The following DOCK9 variants were observed in gnomAD, a reference collection of about 807,000 sequenced individuals.
DOCK9 encodes dedicator of cytokinesis protein 9.
DOCK9 carries 89 observed loss-of-function variants against 263.3 expected under a neutral mutation model. That is an observed-to-expected ratio of 0.34 (90% CI 0.28 to 0.40). The LOEUF (loss-of-function observed/expected upper bound fraction) is 0.40, where lower values mean the gene tolerates loss of function less well. Among genes scored for constraint, DOCK9 ranks in the 10% least tolerant of loss-of-function variants. DOCK9 has a pLI of 1.00. For synonymous variants in DOCK9, 976 were observed against 973.1 expected, an observed-to-expected ratio of 1.00 and a Z score of -0.06; for missense variants, 2,140 against 2,603.4, an observed-to-expected ratio of 0.82 and a Z score of 3.87.
chr13:98,902,218 A>G, intron 12 of DOCK9, 70 bp downstream of exon 12: 1 of 1,536,312 alleles, frequency 6.5e-7, no homozygotes. Context: ...TAATTTGAGC[A>G]TTTTTGGTGC....
intron 1 of DOCK9, among the ~76,000 whole-genome samples, chr13:98,971,804 A>G (rs1454176462): frequency 6.6e-6 from 1 of 152,202 alleles, no homozygotes; most frequent in African/African-American, 2.4e-5. Flanking sequence ...AAGATGATAA[A>G]ATGTAACACC....
intron 47 of DOCK9, 138 bp downstream of exon 47, chr13:98,809,214 T>C (rs2091039755): frequency 1.6e-6 from 2 of 1,245,518 alleles, no homozygotes; most frequent in Non-Finnish European, 2.3e-6. Context: ...ATACTAAATA[T>C]GACAAATTCA....
chr13:98,887,139 ATATATTTTTTTTTTTTT>A (rs2045846711), intron 18 of DOCK9, among the ~76,000 whole-genome samples: 1 of 48,766 alleles, frequency 2.1e-5, no homozygotes, highest in East Asian at 8.7e-4. Flanking sequence ...ATATATATAT[ATATATTTTTTTTTTTTT>A]TTTTTTTTTT....
At chr13:99,020,101 C>CA (rs1885901654) in intron 1 of DOCK9, among the ~76,000 whole-genome samples, 1 of 151,910 alleles carries the variant, frequency 6.6e-6, no homozygotes, top group Non-Finnish European at 1.5e-5. Flanking sequence ...GACTCCGTCT[C>CA]AAAAAATAAA....
At chr13:98,928,443 T>A (rs920562521) in intron 3 of DOCK9, among the ~76,000 whole-genome samples, 2 of 152,248 alleles carry the variant, frequency 1.3e-5, no homozygotes, top group African/African-American at 4.8e-5. Context: ...TGTTTAGTTA[T>A]GTTGGCTCCA....
intron 1 of DOCK9, among the ~76,000 whole-genome samples, chr13:99,073,307 TTCTC>T (rs145465576): frequency 0.017 from 2,534 of 149,888 alleles, 71 homozygotes; most frequent in African/African-American, 0.058. Context: ...TTCTCATTCA[TTCTC>T]TCTCTCTCTC....
intron 1 of DOCK9, among the ~76,000 whole-genome samples, chr13:99,035,204 C>G (rs1036059620): frequency 6.6e-6 from 1 of 152,118 alleles, no homozygotes; most frequent in Non-Finnish European, 1.5e-5. Context: ...AACTCTCAAT[C>G]TCTCAAATTT....
At chr13:98,918,357 A>C (rs1270180165) in intron 7 of DOCK9, among the ~76,000 whole-genome samples, 2 of 152,212 alleles carry the variant, frequency 1.3e-5, no homozygotes, top group Non-Finnish European at 2.9e-5. Context: ...ATAAAACAGC[A>C]CAAAGATAAG....
At chr13:98,927,752 C>G (rs148201726) in intron 3 of DOCK9, among the ~76,000 whole-genome samples, 3 of 152,058 alleles carry the variant, frequency 2.0e-5, no homozygotes, top group Middle Eastern at 3.4e-3. Flanking sequence ...TCCCGAGTAG[C>G]TGGGATTACA....
At chr13:98,875,558 T>C (rs1379134101) in intron 27 of DOCK9, among the ~76,000 whole-genome samples, 4 of 152,172 alleles carry the variant, frequency 2.6e-5, no homozygotes, top group Non-Finnish European at 5.9e-5. Context: ...CTTCACTCCA[T>C]GTGGGAGGAA....
rs1342972080 is a variant in DOCK9, at chr13:98,845,821, A to C, written c.4198+103T>G. 4.8e-6 allele frequency: 7 copies of C among 1,467,570 alleles called. No homozygotes were observed. The East Asian group carries it at 1.2e-4, about 25-fold the overall frequency. 90.9% of individuals were successfully genotyped at this position (1,467,570 alleles called of 1,614,324 possible). A position where few individuals can be genotyped will look rare whatever the true frequency, so the allele number is the denominator to read the frequency against. ...TTCATCCTACTTGCTTTGAGCTAGAAGAAAAATTGAGTTGGTGATGTGGTA... is the reference window on the plus strand; with the variant it reads ...TTCATCCTACTTGCTTTGAGCTAGACGAAAAATTGAGTTGGTGATGTGGTA... On this transcript the variant is annotated intron_variant, in intron 38 of 52. Transcript: ENST00000682017.
In DOCK9 at chr13:99,046,573, G is replaced by A. The variant is rs1332798007; in HGVS notation, c.129+39650C>T. On this transcript the variant is annotated intron_variant, in intron 1 of 32. Transcript: ENST00000427887. ...CTCATAGAACATGCCTGGTTATGAG[G>A]GGGCACACCTGACAGGAAAGTCCAG... Among the ~76,000 whole-genome samples the A allele has an allele frequency of 3.3e-5, 5 of 152,310 alleles. No homozygotes were observed. In the East Asian group the frequency reaches 9.6e-4, roughly 29 times the overall value.
intron 1 of DOCK9, among the ~76,000 whole-genome samples, chr13:98,966,358 G>A (rs1188929318): frequency 6.6e-6 from 1 of 152,220 alleles, no homozygotes; most frequent in South Asian, 2.1e-4. Context: ...AGTGGGCCCA[G>A]CATGTGTCTC....
intron 9 of DOCK9, among the ~76,000 whole-genome samples, chr13:98,905,567 A>G (rs1483290596): frequency 6.6e-6 from 1 of 152,172 alleles, no homozygotes; most frequent in Admixed American, 6.5e-5. Flanking sequence ...GTCACTCATC[A>G]TAACTGAAAG....
At chr13:99,066,074 A>G (rs765306699) in intron 1 of DOCK9, among the ~76,000 whole-genome samples, 28 of 152,254 alleles carry the variant, frequency 1.8e-4, no homozygotes, top group Non-Finnish European at 3.5e-4. Context: ...ACACGTCCTG[A>G]ATGGCATAAG....
At chr13:98,903,855 C>T (rs2048697577) in intron 10 of DOCK9, among the ~76,000 whole-genome samples, 1 of 152,084 alleles carries the variant, frequency 6.6e-6, no homozygotes, top group African/African-American at 2.4e-5. Context: ...ACCTTGAAAA[C>T]ATGTTAAGTT....
chr13:98,906,614 C>T (rs1330222512), intron 9 of DOCK9, among the ~76,000 whole-genome samples: 1 of 152,170 alleles, frequency 6.6e-6, no homozygotes, highest in Admixed American at 6.5e-5. Flanking sequence ...ACAACCACAG[C>T]AGAAAAGGCG....
At chr13:99,080,924 C>T (rs1213458443) in intron 1 of DOCK9, among the ~76,000 whole-genome samples, 4 of 152,206 alleles carry the variant, frequency 2.6e-5, no homozygotes, top group African/African-American at 9.6e-5. Flanking sequence ...GGTCGGCCCT[C>T]AGTAAATGTG....
rs765613561 is a variant in DOCK9 at position 98,901,921 on chromosome 13, T to A, written c.1381-21A>T. On this transcript the variant is annotated intron_variant, in intron 12 of 52. Transcript: ENST00000682017. The stretch of plus-strand genomic sequence containing the variant: ...ATTCCCTAGGAGGCAAACAATTTTC[T>A]TCAGTAAGCAGAATTCACAGCTACG... 10 of 1,608,470 alleles carry A rather than the reference T, an allele frequency of 6.2e-6. 1 individual carries two copies. In the South Asian group the frequency reaches 1.1e-4, roughly 18 times the overall value.
Sources: gnomAD v4.1 joint callset for allele counts (sites outside exome capture counted in the v4.1 genomes callset) on GRCh38, gnomAD v4.1.1 for gene constraint, MANE v1.5 for transcripts, NCBI Gene and HGNC (gene_info 2026-07-23, HGNC 2026-07-21) for gene names.